The following CNOT6L variants were observed in gnomAD, a reference collection of about 807,000 sequenced individuals.
CNOT6L encodes the protein CCR4-NOT transcription complex subunit 6-like.
In CNOT6L, 7 loss-of-function variants were observed where a neutral mutation model predicts 64.0. That is an observed-to-expected ratio of 0.11 (90% CI 0.06 to 0.21). The LOEUF is 0.21. Ranked by LOEUF, CNOT6L falls within the 10% of genes least tolerant of loss-of-function variation. The pLI, the probability that CNOT6L is intolerant of heterozygous loss-of-function variation, is 1.00. For missense variants in CNOT6L, 245 were observed against 669.0 expected (o/e 0.37, Z 6.99); for synonymous variants, 193 against 243.4 (o/e 0.79, Z 1.93).
intron 1 of CNOT6L, among the ~76,000 whole-genome samples, chr4:77,808,377 G>A (rs576087349): frequency 6.6e-5 from 10 of 151,054 alleles, no homozygotes; most frequent in East Asian, 1.9e-4. Context: ...CAGGAGAATC[G>A]CTTGAACCTG....
At chr4:77,816,842 T>C (rs916682077) in intron 1 of CNOT6L, among the ~76,000 whole-genome samples, 2 of 152,196 alleles carry the variant, frequency 1.3e-5, no homozygotes, top group African/African-American at 4.8e-5. Context: ...TTTTCTGTTA[T>C]CTTTACCTTA....
chr4:77,738,616 G>A (rs988997856), intron 8 of CNOT6L, among the ~76,000 whole-genome samples: 25 of 152,028 alleles, frequency 1.6e-4, no homozygotes, highest in Non-Finnish European at 3.1e-4. Context: ...AGTCAGGCAT[G>A]GTGGCGCATG....
At chr4:77,752,766 GA>G (rs954505430) in intron 5 of CNOT6L, among the ~76,000 whole-genome samples, 21 of 150,840 alleles carry the variant, frequency 1.4e-4, no homozygotes, top group Admixed American at 5.3e-4. Context: ...TATATTTGAG[GA>G]AAAAAAAGCA....
At chr4:77,767,745 G>A (rs912676894) in intron 4 of CNOT6L, among the ~76,000 whole-genome samples, 5 of 151,632 alleles carry the variant, frequency 3.3e-5, no homozygotes, top group Non-Finnish European at 5.9e-5. Context: ...TTGGGAGGCT[G>A]AGGCAGGTAG....
intron 1 of CNOT6L, among the ~76,000 whole-genome samples, chr4:77,803,764 G>A (rs190204467): frequency 7.2e-5 from 11 of 152,262 alleles, no homozygotes; most frequent in Admixed American, 3.9e-4. Context: ...TTAGCCGGGT[G>A]TGGTGGCACA....
At chr4:77,785,136 T>C (rs1207052042) in intron 1 of CNOT6L, among the ~76,000 whole-genome samples, 2 of 152,176 alleles carry the variant, frequency 1.3e-5, no homozygotes, top group Admixed American at 6.5e-5. Flanking sequence ...CCCACATACA[T>C]GGTCAATAGA....
chr4:77,731,785 C>T (rs952228515), intron 8 of CNOT6L: 4 of 334,324 alleles, frequency 1.2e-5, no homozygotes, highest in East Asian at 4.7e-5. Context: ...AGCTAGTGCT[C>T]GGAGAAATAA....
chr4:77,775,911 A>G (rs2110065167), intron 2 of CNOT6L, among the ~76,000 whole-genome samples: 1 of 152,320 alleles, frequency 6.6e-6, no homozygotes, highest in Non-Finnish European at 1.5e-5. Flanking sequence ...TAGAATAAAT[A>G]GCTTCCAGGT....
At chr4:77,771,440 C>A (rs866024027) in intron 4 of CNOT6L, among the ~76,000 whole-genome samples, 5 of 152,260 alleles carry the variant, frequency 3.3e-5, no homozygotes, top group African/African-American at 9.6e-5. Flanking sequence ...CCAACTCTAG[C>A]TGAATGGCTA....
At chr4:77,819,138 C>G (rs1734000472) in intron 1 of CNOT6L, 166 bp downstream of exon 1, 2 of 1,385,858 alleles carry the variant, frequency 1.4e-6, no homozygotes, top group African/African-American at 2.9e-5. Flanking sequence ...TCCAGTCACC[C>G]GACACACACC....
rs1419520369 is a variant in CNOT6L at position 77,742,450 on chromosome 4, A to T, written c.718-155T>A. The T allele has an allele frequency of 9.1e-6, 7 of 765,262 alleles. No homozygotes were observed. The Admixed American group carries it at 1.5e-4, about 16-fold the overall frequency. 47.4% of individuals were successfully genotyped at this position (765,262 alleles called of 1,614,324 possible). A position where few individuals can be genotyped will look rare whatever the true frequency, so the allele number is the denominator to read the frequency against. On this transcript the variant is annotated intron_variant, in intron 7 of 11. Transcript: ENST00000504123. ...TCTTACCTGATTGCTAGCAGCTGCT[A>T]CTTGACAATGGCAGCTTTTTAAACA... is the stretch of plus-strand genomic sequence containing the variant.
rs556243863 is a variant in CNOT6L at position 77,802,478 on chromosome 4, C to T, written c.5+16826G>A. 2.0e-5 allele frequency among the ~76,000 whole-genome samples: 3 copies of T among 152,282 alleles called. No individual in the cohort carries two copies. In the East Asian group the frequency reaches 5.8e-4, roughly 29 times the overall value. ...ACTTCCTAATTACTAAATGAATTTT[C>T]AATCTCCTTTTCAGACAGTACTCAT... On this transcript the variant is annotated intron_variant, in intron 1 of 11. Coordinates refer to ENST00000504123, the MANE Select transcript of CNOT6L (RefSeq NM_144571.3).
intron 1 of CNOT6L, among the ~76,000 whole-genome samples, chr4:77,816,331 A>G (rs1733573809): frequency 6.6e-6 from 1 of 152,190 alleles, no homozygotes; most frequent in South Asian, 2.1e-4. Flanking sequence ...TTTACCAAAT[A>G]CTAAATAAGA....
chr4:77,815,846 A>G (rs1035248706), intron 1 of CNOT6L, among the ~76,000 whole-genome samples: 1 of 152,228 alleles, frequency 6.6e-6, no homozygotes, highest in Non-Finnish European at 1.5e-5. Flanking sequence ...AAACCTGCTA[A>G]CCAGGAGCAC....
At chr4:77,759,996 A>G (rs2110011499) in intron 4 of CNOT6L, among the ~76,000 whole-genome samples, 1 of 152,350 alleles carries the variant, frequency 6.6e-6, no homozygotes, top group South Asian at 2.1e-4. Context: ...AAATACCCAG[A>G]AAGTTCCCAA....
chr4:77,722,519 C>T (rs143283730), intron 11 of CNOT6L, among the ~76,000 whole-genome samples: 4 of 152,230 alleles, frequency 2.6e-5, no homozygotes, highest in Admixed American at 6.5e-5. Flanking sequence ...ACTTAGAACA[C>T]GCCACTGTAC....
At chr4:77,791,658 A>T (rs1173441508) in intron 1 of CNOT6L, among the ~76,000 whole-genome samples, 1 of 152,078 alleles carries the variant, frequency 6.6e-6, no homozygotes, top group Non-Finnish European at 1.5e-5. Flanking sequence ...TGTACTCATG[A>T]TATTTTTCTA....
At chr4:77,743,776 A>G (rs1723876540) in intron 7 of CNOT6L, among the ~76,000 whole-genome samples, 1 of 151,756 alleles carries the variant, frequency 6.6e-6, no homozygotes, top group South Asian at 2.1e-4. Context: ...TAATTTTTGC[A>G]TTTTTAGTAG....
intron 1 of CNOT6L, among the ~76,000 whole-genome samples, chr4:77,808,789 C>G (rs773734990): frequency 1.3e-4 from 20 of 152,164 alleles, no homozygotes; most frequent in Admixed American, 5.9e-4. Context: ...GTTTAAAATC[C>G]ATATGTACTC....
Sources: allele counts gnomAD v4.1 joint callset (sites outside exome capture counted in the v4.1 genomes callset), GRCh38; gene constraint gnomAD v4.1.1; transcripts MANE v1.5; gene names NCBI Gene and HGNC (gene_info 2026-07-23, HGNC 2026-07-21).